The following USH2A variants were observed in gnomAD, a reference collection of about 807,000 sequenced individuals.
USH2A encodes the protein usherin.
A neutral mutation model predicts 538.9 loss-of-function variants in USH2A; 443 were observed. The observed-to-expected ratio is 0.82, with a 90% CI of 0.76 to 0.89. The LOEUF is 0.89. Among genes scored for constraint, USH2A ranks in the 40% least tolerant of loss-of-function variants. The probability of loss-of-function intolerance (pLI) is 0.00; values close to 1 mark genes in which losing one functional copy is unlikely to be tolerated. For synonymous variants in USH2A, 2,413 were observed against 2,273.5 expected (o/e 1.06, Z -1.75); for missense variants, 6,633 against 6,324.8 (o/e 1.05, Z -1.65).
chr1:216,094,009 G>A (rs2032376469), intron 22 of USH2A, among the ~76,000 whole-genome samples: 2 of 152,116 alleles, frequency 1.3e-5, no homozygotes, highest in African/African-American at 2.4e-5. Context: ...TCATTAACAG[G>A]AACTCACTTT....
At position 216,050,616 on chromosome 1, in the gene USH2A, T is replaced by C. The variant is rs34483173; in HGVS notation, c.6050-1969A>G. Among the ~76,000 whole-genome samples the C allele has an allele frequency of 7.4e-3, 348 of 46,858 alleles. 25 individuals are homozygous for C. Among genetic ancestry groups the C allele is most frequent in the East Asian group, 0.014 (19 of 1,388 alleles). 30.7% of individuals were successfully genotyped at this position (46,858 alleles called of 152,430 possible). ...TCTTTCTTTCTTTCTTTTTTTTTTT[T>C]TTTTTTGAGACAGAGTCTCGCTCAG... On this transcript the variant is annotated intron_variant, in intron 30 of 71. Transcript: ENST00000307340.
chr1:216,046,871 CTA>C (rs1400231845), intron 31 of USH2A, among the ~76,000 whole-genome samples: 1 of 152,146 alleles, frequency 6.6e-6, no homozygotes, highest in East Asian at 1.9e-4. Flanking sequence ...CCCATAATCT[CTA>C]TGTGGGACTG....
chr1:216,358,597 A>G (rs2038432346), intron 4 of USH2A, among the ~76,000 whole-genome samples: 2 of 152,108 alleles, frequency 1.3e-5, no homozygotes, highest in Admixed American at 1.3e-4. Flanking sequence ...AGGCAGAAGT[A>G]ATGAGCCAGT....
At chr1:215,952,010 G>T (rs1472750294) in intron 37 of USH2A, among the ~76,000 whole-genome samples, 2 of 150,938 alleles carry the variant, frequency 1.3e-5, no homozygotes, top group Non-Finnish European at 3.0e-5. Context: ...GACTACAGGC[G>T]CCCGCCACCG....
At chr1:216,042,522 C>T (rs1230509101) in intron 32 of USH2A, among the ~76,000 whole-genome samples, 3 of 151,922 alleles carry the variant, frequency 2.0e-5, no homozygotes, top group Non-Finnish European at 4.4e-5. Flanking sequence ...TACCCACAAG[C>T]CACTCAGTGT....
At chr1:215,984,484 A>G (rs1174684468) in intron 35 of USH2A, among the ~76,000 whole-genome samples, 1 of 152,194 alleles carries the variant, frequency 6.6e-6, no homozygotes, top group Non-Finnish European at 1.5e-5. Flanking sequence ...CCATAATGAT[A>G]GGGTTTTTAA....
At chr1:216,066,423 G>A (rs185995410) in intron 30 of USH2A, among the ~76,000 whole-genome samples, 58 of 151,970 alleles carry the variant, frequency 3.8e-4, no homozygotes, top group African/African-American at 1.3e-3. Context: ...CAGAGATTGC[G>A]CCACTGCACT....
intron 21 of USH2A, among the ~76,000 whole-genome samples, chr1:216,121,410 T>C (rs200228982): frequency 3.9e-5 from 5 of 129,718 alleles, no homozygotes; most frequent in South Asian, 2.9e-4. Context: ...CTGGTTTTTT[T>C]CTTTTTTTTA....
intron 32 of USH2A, among the ~76,000 whole-genome samples, chr1:216,032,324 T>C (rs185931575): frequency 6.6e-6 from 1 of 152,314 alleles, no homozygotes. Context: ...ATGGGACCTA[T>C]GCTAATCTTT....
intron 21 of USH2A, among the ~76,000 whole-genome samples, chr1:216,113,896 A>T (rs1334234664): frequency 6.6e-6 from 1 of 151,670 alleles, no homozygotes; most frequent in African/African-American, 2.4e-5. Context: ...ATAAAGTATT[A>T]AATATAAAAT....
chr1:216,122,573 G>C (rs1221407721), intron 21 of USH2A, among the ~76,000 whole-genome samples: 1 of 152,194 alleles, frequency 6.6e-6, no homozygotes, highest in East Asian at 1.9e-4. Flanking sequence ...AACATAAAGA[G>C]AGTCAATCAC....
intron 30 of USH2A, among the ~76,000 whole-genome samples, chr1:216,067,359 T>A (rs918022996): frequency 6.6e-6 from 1 of 151,808 alleles, no homozygotes; most frequent in Non-Finnish European, 1.5e-5. Context: ...GGCACATGTA[T>A]ACCTATGTAA....
chr1:215,753,870 C>G (rs770016617), intron 58 of USH2A, among the ~76,000 whole-genome samples: 34 of 152,136 alleles, frequency 2.2e-4, no homozygotes, highest in Non-Finnish European at 4.9e-4. Context: ...TCACCAACAC[C>G]CAGCTCTGTT....
intron 13 of USH2A, among the ~76,000 whole-genome samples, chr1:216,237,494 TAAAAAAAA>T (rs59074625): frequency 9.6e-5 from 11 of 114,300 alleles, no homozygotes; most frequent in South Asian, 8.2e-4. Context: ...GACTCCGTCT[TAAAAAAAA>T]AAAAAAAAAA....
chr1:216,384,744 G>A (rs1286921970), intron 3 of USH2A, among the ~76,000 whole-genome samples: 1 of 151,950 alleles, frequency 6.6e-6, no homozygotes, highest in African/African-American at 2.4e-5. Flanking sequence ...TGAATGATTT[G>A]AGAATAGGTG....
chr1:216,216,579 G>C (rs557517258), intron 15 of USH2A, among the ~76,000 whole-genome samples: 44 of 152,128 alleles, frequency 2.9e-4, no homozygotes, highest in African/African-American at 7.5e-4. Context: ...ATATGTTGTA[G>C]AGGGCTCCTA....
At chr1:216,337,274 T>C (rs565525398) in intron 4 of USH2A, among the ~76,000 whole-genome samples, 140 of 151,530 alleles carry the variant, frequency 9.2e-4, no homozygotes, top group Non-Finnish European at 1.6e-3. Context: ...AAAAACACTA[T>C]GGAAAGATAT....
At chr1:216,221,959 T>C (rs1446054539) in intron 14 of USH2A, among the ~76,000 whole-genome samples, 2 of 152,192 alleles carry the variant, frequency 1.3e-5, no homozygotes, top group African/African-American at 2.4e-5. Context: ...GAATTACAGC[T>C]GTTTGAAATA....
At chr1:215,889,334 T>TA (rs1216047581) in intron 40 of USH2A, among the ~76,000 whole-genome samples, 1 of 152,176 alleles carries the variant, frequency 6.6e-6, no homozygotes, top group South Asian at 2.1e-4. Context: ...AGCCATTGGT[T>TA]AAAAAATGAG....
Sources: allele counts gnomAD v4.1 joint callset (sites outside exome capture counted in the v4.1 genomes callset), GRCh38; gene constraint gnomAD v4.1.1; transcripts MANE v1.5; gene names NCBI Gene and HGNC (gene_info 2026-07-23, HGNC 2026-07-21).